Variants in PRKAG2 observed in about 807,000 individuals in gnomAD.
PRKAG2 encodes 5'-AMP-activated protein kinase subunit gamma-2.
Under a neutral mutation model 69.6 loss-of-function variants are expected in PRKAG2, and 26 were observed. The ratio of observed to expected loss-of-function variants is 0.37; its 90% CI spans 0.27 to 0.52. The LOEUF is 0.52. Ranked by LOEUF, PRKAG2 falls within the 20% of genes least tolerant of loss-of-function variation. The pLI is 0.90. For missense variants in PRKAG2, 557 were observed against 740.0 expected (o/e 0.75, Z 2.87); for synonymous variants, 293 against 285.0 (o/e 1.03, Z -0.28).
At chr7:151,568,256 C>T (rs532481193) in intron 11 of PRKAG2, among the ~76,000 whole-genome samples, 1 of 152,274 alleles carries the variant, frequency 6.6e-6, no homozygotes, top group East Asian at 1.9e-4. Context: ...TTATTTGCTT[C>T]GGGTTTTTCT....
chr7:151,696,125 C>T (rs1836594867), intron 3 of PRKAG2, among the ~76,000 whole-genome samples: 1 of 152,212 alleles, frequency 6.6e-6, no homozygotes, highest in African/African-American at 2.4e-5. Context: ...CCAGGGCTGC[C>T]AGGAGCTCAG....
At position 151,835,330 on chromosome 7, in the gene PRKAG2, A is replaced by C. The variant is rs968996509; in HGVS notation, c.114+41177T>G. ...ACCTCCTGGGCTCAAGTGATCCTCCAGGTAATATTTTTATTTTTTATTATT... is the reference window on the plus strand; with the variant it reads ...ACCTCCTGGGCTCAAGTGATCCTCCCGGTAATATTTTTATTTTTTATTATT... On this transcript the variant is annotated intron_variant, in intron 1 of 15. Coordinates refer to ENST00000287878, the MANE Select transcript of PRKAG2 (RefSeq NM_016203.4). The surrounding 1 kb of genome is among the most constrained non-coding windows in gnomAD (Gnocchi z 4.1). 1.3e-5 allele frequency among the ~76,000 whole-genome samples: 2 copies of C among 151,976 alleles called. No homozygotes were observed. The highest frequency in any genetic ancestry group is 2.9e-5 in the Non-Finnish European group (2 of 67,998).
intron 3 of PRKAG2, among the ~76,000 whole-genome samples, chr7:151,758,995 G>A (rs1002506413): frequency 1.3e-5 from 2 of 152,094 alleles, no homozygotes; most frequent in African/African-American, 4.8e-5. Context: ...TCTCTTTACT[G>A]CACAGTAGCC....
chr7:151,843,692 C>A (rs546473574), intron 1 of PRKAG2, among the ~76,000 whole-genome samples: 1 of 152,336 alleles, frequency 6.6e-6, no homozygotes, highest in South Asian at 2.1e-4. Flanking sequence ...GAAGTTTAGG[C>A]TGGAACTTGA....
chr7:151,618,381 A>C (rs1216370646), intron 5 of PRKAG2, among the ~76,000 whole-genome samples: 2 of 151,686 alleles, frequency 1.3e-5, no homozygotes, highest in Admixed American at 6.6e-5. Flanking sequence ...TGAACCGAGG[A>C]GGCGGAGGCT....
chr7:151,622,149 G>A (rs1347425759), intron 5 of PRKAG2, among the ~76,000 whole-genome samples: 1 of 152,196 alleles, frequency 6.6e-6, no homozygotes, highest in Non-Finnish European at 1.5e-5. Context: ...TCACAAGAGT[G>A]GCAGAGCAAT....
intron 5 of PRKAG2, among the ~76,000 whole-genome samples, chr7:151,619,746 G>A (rs1031449540): frequency 1.3e-5 from 2 of 152,118 alleles, no homozygotes; most frequent in Admixed American, 1.3e-4. Flanking sequence ...GGCTAGACGC[G>A]GTGGCTCATG....
intron 1 of PRKAG2, among the ~76,000 whole-genome samples, chr7:151,843,197 T>C (rs57486649): frequency 0.14 from 20,561 of 152,084 alleles, 1,859 homozygotes; most frequent in East Asian, 0.39. Context: ...GTGCAGCATA[T>C]GTACACAGAT....
chr7:151,825,638 T>C (rs907873726), intron 1 of PRKAG2, among the ~76,000 whole-genome samples: 6 of 152,176 alleles, frequency 3.9e-5, no homozygotes, highest in Non-Finnish European at 7.4e-5. Flanking sequence ...GCCTGTTTTT[T>C]CCCCTTTCAT....
chr7:151,680,778 G>T (rs116916687), intron 3 of PRKAG2, among the ~76,000 whole-genome samples: 3 of 152,198 alleles, frequency 2.0e-5, no homozygotes, highest in African/African-American at 4.8e-5. Context: ...CTGTGCAGGG[G>T]TGTCTCCCAC....
chr7:151,796,683 C>T (rs1221355692), intron 1 of PRKAG2, among the ~76,000 whole-genome samples: 1 of 152,142 alleles, frequency 6.6e-6, no homozygotes, highest in East Asian at 1.9e-4. Flanking sequence ...ACCGGCTCCT[C>T]CCAGGGCTGG....
rs1477732280 is a variant in PRKAG2, at chr7:151,756,467, G to A, written c.466+24685C>T. Among the ~76,000 whole-genome samples the A allele has an allele frequency of 1.3e-5, 2 of 152,202 alleles. No individual in the cohort carries two copies. Among genetic ancestry groups the A allele is most frequent in the Admixed American group, 6.5e-5 (1 of 15,284 alleles). On this transcript the variant is annotated intron_variant, in intron 3 of 15. Coordinates refer to ENST00000287878, the MANE Select transcript of PRKAG2 (RefSeq NM_016203.4). The surrounding 1 kb of genome is among the most constrained non-coding windows in gnomAD (Gnocchi z 4.9). ...CAACGACTCAGTGGTGCCTCCAGGCGAGCGGGTACCTGCGCTGCTCTCATG... is the reference window on the plus strand; with the variant it reads ...CAACGACTCAGTGGTGCCTCCAGGCAAGCGGGTACCTGCGCTGCTCTCATG...
intron 3 of PRKAG2, among the ~76,000 whole-genome samples, chr7:151,773,964 C>T (rs1376586781): frequency 3.9e-5 from 6 of 152,248 alleles, no homozygotes; most frequent in African/African-American, 7.2e-5. Flanking sequence ...CACAGATGGG[C>T]GTGACTGTGT....
intron 3 of PRKAG2, among the ~76,000 whole-genome samples, chr7:151,774,822 AAAAG>A (rs1488565461): frequency 1.3e-5 from 2 of 152,316 alleles, no homozygotes; most frequent in African/African-American, 4.8e-5. Flanking sequence ...ACAAAAAAGA[AAAAG>A]AAAGAAAACA....
chr7:151,838,582 C>T (rs13236840), intron 1 of PRKAG2, among the ~76,000 whole-genome samples: 2,763 of 151,896 alleles, frequency 0.018, 47 homozygotes, highest in Middle Eastern at 0.041. Context: ...TGGTGCATGC[C>T]TGTGGTCTCA....
chr7:151,582,288 C>T (rs564438365), intron 6 of PRKAG2, among the ~76,000 whole-genome samples: 5 of 152,034 alleles, frequency 3.3e-5, no homozygotes, highest in Non-Finnish European at 5.9e-5. Flanking sequence ...TAGCTGGGAC[C>T]ACAGGTGCAC....
At chr7:151,701,736 G>A (rs563766359) in intron 3 of PRKAG2, among the ~76,000 whole-genome samples, 7 of 152,122 alleles carry the variant, frequency 4.6e-5, no homozygotes, top group South Asian at 2.1e-4. Context: ...CCAGCTACTC[G>A]GGAGGCTGAG....
At chr7:151,840,985 T>C (rs540432515) in intron 1 of PRKAG2, among the ~76,000 whole-genome samples, 2 of 152,252 alleles carry the variant, frequency 1.3e-5, no homozygotes, top group African/African-American at 4.8e-5. Flanking sequence ...GATTGATTGG[T>C]TAATTGATTA....
intron 4 of PRKAG2, among the ~76,000 whole-genome samples, chr7:151,651,120 T>C (rs1828421266): frequency 6.6e-6 from 1 of 152,226 alleles, no homozygotes; most frequent in South Asian, 2.1e-4. Context: ...TCTGCCACGA[T>C]GAGCTTGACA....
Sources: gnomAD v4.1 joint callset for allele counts (sites outside exome capture counted in the v4.1 genomes callset) on GRCh38, gnomAD v4.1.1 for gene constraint, Gnocchi (gnomAD v3.1) non-coding constraint, MANE v1.5 for transcripts, NCBI Gene and HGNC (gene_info 2026-07-23, HGNC 2026-07-21) for gene names.